The following HS6ST3 variants were observed in gnomAD, a reference collection of about 807,000 sequenced individuals.
The protein encoded by HS6ST3 is heparan sulfate 6-O-sulfotransferase 3.
A neutral mutation model predicts 36.7 loss-of-function variants in HS6ST3; 12 were observed. The observed-to-expected ratio is 0.33, with a 90% CI of 0.21 to 0.53. The LOEUF (loss-of-function observed/expected upper bound fraction) is 0.53. Among genes scored for constraint, HS6ST3 ranks in the 20% least tolerant of loss-of-function variants. The pLI, the probability that HS6ST3 is intolerant of heterozygous loss-of-function variation, is 0.95. For synonymous variants in HS6ST3, 240 were observed against 257.5 expected, an observed-to-expected ratio of 0.93 and a Z score of 0.65; for missense variants, 584 against 640.9, an observed-to-expected ratio of 0.91 and a Z score of 0.96.
intron 1 of HS6ST3, among the ~76,000 whole-genome samples, chr13:96,642,532 G>A (rs2056573917): frequency 6.6e-6 from 1 of 151,592 alleles, no homozygotes; most frequent in African/African-American, 2.4e-5. Flanking sequence ...GTACACATTG[G>A]TTCACTTGAT....
intron 1 of HS6ST3, among the ~76,000 whole-genome samples, chr13:96,182,346 T>C (rs964967559): frequency 5.9e-5 from 9 of 152,358 alleles, no homozygotes; most frequent in African/African-American, 1.7e-4. Context: ...ATAAAGGCGA[T>C]GTCTTAATGA....
chr13:96,213,387 C>T (rs1206491025), intron 1 of HS6ST3, among the ~76,000 whole-genome samples: 1 of 152,098 alleles, frequency 6.6e-6, no homozygotes, highest in Non-Finnish European at 1.5e-5. Flanking sequence ...TTTGTTTTGT[C>T]CAGTATTAAA....
intron 1 of HS6ST3, among the ~76,000 whole-genome samples, chr13:96,399,460 C>T (rs1164005027): frequency 6.6e-6 from 1 of 152,214 alleles, no homozygotes; most frequent in Admixed American, 6.5e-5. Flanking sequence ...TACAACATTG[C>T]ATAGCCTCTA....
At chr13:96,545,719 A>G (rs565531298) in intron 1 of HS6ST3, among the ~76,000 whole-genome samples, 1 of 152,318 alleles carries the variant, frequency 6.6e-6, no homozygotes, top group Non-Finnish European at 1.5e-5. Context: ...GTAAAGATAT[A>G]TCAGTTCATT....
At chr13:96,355,107 T>A (rs1022634005) in intron 1 of HS6ST3, among the ~76,000 whole-genome samples, 3 of 152,074 alleles carry the variant, frequency 2.0e-5, no homozygotes, top group African/African-American at 4.8e-5. Flanking sequence ...AGGATAACTA[T>A]AGTGATGGAT....
chr13:96,720,265 A>G (rs555384822), intron 1 of HS6ST3, among the ~76,000 whole-genome samples: 1 of 152,332 alleles, frequency 6.6e-6, no homozygotes, highest in East Asian at 1.9e-4. Context: ...TAAGCTCTAC[A>G]AGACCATGAC....
chr13:96,249,815 C>T (rs993647810), intron 1 of HS6ST3, among the ~76,000 whole-genome samples: 1 of 152,116 alleles, frequency 6.6e-6, no homozygotes, highest in East Asian at 1.9e-4. Flanking sequence ...ACTTTGAGGA[C>T]ATTATGCTAT....
At chr13:96,461,287 TC>T (rs975017937) in intron 1 of HS6ST3, among the ~76,000 whole-genome samples, 1 of 152,222 alleles carries the variant, frequency 6.6e-6, no homozygotes, top group Non-Finnish European at 1.5e-5. Flanking sequence ...AACTGACAGT[TC>T]AGCAGAAGTG....
chr13:96,834,230 C>G lies in HS6ST3; in HGVS notation c.*1032C>G, dbSNP rs1445986467. ...CTTGGCCCAAAGAATAGGAACTTAG[C>G]TAGCATGTATACAAAATATATTTGA... is the stretch of plus-strand genomic sequence containing the variant. On this transcript the variant is annotated 3_prime_UTR_variant, in exon 2 of 2. Transcript: ENST00000376705. 1.3e-5 allele frequency: 2 copies of G among 152,142 alleles called. No individual in the cohort carries two copies. The highest frequency in any genetic ancestry group is 6.6e-5 in the Admixed American group (1 of 15,264). 9.4% of individuals were successfully genotyped at this position (152,142 alleles called of 1,614,324 possible).
chr13:96,539,186 A>G (rs1316326913), intron 1 of HS6ST3, among the ~76,000 whole-genome samples: 2 of 152,188 alleles, frequency 1.3e-5, no homozygotes, highest in Non-Finnish European at 2.9e-5. Flanking sequence ...GAAAATAGGG[A>G]AAGTATAAAC....
chr13:96,756,558 G>T (rs1270194619), intron 1 of HS6ST3, among the ~76,000 whole-genome samples: 1 of 152,092 alleles, frequency 6.6e-6, no homozygotes, highest in Non-Finnish European at 1.5e-5. Context: ...CTGGTATTTT[G>T]ATTGGGATTT....
At position 96,614,606 on chromosome 13, in the gene HS6ST3, C is replaced by T. The variant is rs114826109; in HGVS notation, c.708-217884C>T. 5.4e-3 allele frequency among the ~76,000 whole-genome samples: 827 copies of T among 152,210 alleles called. 5 individuals are homozygous for T. The highest frequency in any genetic ancestry group is 0.019 in the African/African-American group (780 of 41,534). Reference sequence around the variant, plus strand: ...GTTGATCTTTCATGAGGAAAAATATCTATTAACTTGTGAAAGTCCAATTTA... The same window carrying T: ...GTTGATCTTTCATGAGGAAAAATATTTATTAACTTGTGAAAGTCCAATTTA... On this transcript the variant is annotated intron_variant, in intron 1 of 1. Transcript: ENST00000376705.
chr13:96,226,970 T>C (rs111605135), intron 1 of HS6ST3, among the ~76,000 whole-genome samples: 62 of 152,348 alleles, frequency 4.1e-4, no homozygotes, highest in South Asian at 1.4e-3. Context: ...GCTAGTGTGC[T>C]GCATAAATAT....
At chr13:96,292,353 G>A (rs2054834307) in intron 1 of HS6ST3, among the ~76,000 whole-genome samples, 2 of 151,884 alleles carry the variant, frequency 1.3e-5, no homozygotes, top group Admixed American at 1.3e-4. Flanking sequence ...ATTTCACAAG[G>A]TAGGTTTTGT....
In HS6ST3 at chr13:96,597,257, G is replaced by T. The variant is rs557000051; in HGVS notation, c.708-235233G>T. ...AATGCATGCTAGGCTTAGTACCTGG[G>T]TGATTAAATAATCTGTACACAAACG... On this transcript the variant is annotated intron_variant, in intron 1 of 1. Transcript: ENST00000376705. Among the ~76,000 whole-genome samples, 15 of 151,868 alleles carry T rather than the reference G, an allele frequency of 9.9e-5. No individual in the cohort carries two copies. In the South Asian group the frequency reaches 2.7e-3, roughly 27 times the overall value.
intron 1 of HS6ST3, among the ~76,000 whole-genome samples, chr13:96,561,730 C>G (rs187825728): frequency 6.6e-6 from 1 of 152,246 alleles, no homozygotes; most frequent in African/African-American, 2.4e-5. Flanking sequence ...CAGGAACAGA[C>G]ACTTCTCAAA....
At chr13:96,752,125 G>C (rs530678633) in intron 1 of HS6ST3, among the ~76,000 whole-genome samples, 2 of 151,992 alleles carry the variant, frequency 1.3e-5, no homozygotes, top group Admixed American at 6.6e-5. Context: ...GTACTATACT[G>C]CTTTTTTTTC....
intron 1 of HS6ST3, among the ~76,000 whole-genome samples, chr13:96,595,715 C>A (rs1439965549): frequency 6.6e-6 from 1 of 151,538 alleles, no homozygotes; most frequent in Non-Finnish European, 1.5e-5. Context: ...TTCTTCATTC[C>A]TTTTCTTTCT....
At chr13:96,595,055 G>T (rs1402935239) in intron 1 of HS6ST3, among the ~76,000 whole-genome samples, 2 of 151,924 alleles carry the variant, frequency 1.3e-5, no homozygotes, top group Non-Finnish European at 2.9e-5. Context: ...TTTGTTTTGT[G>T]TTGTTTTTGA....
Sources: gnomAD v4.1 joint callset for allele counts (sites outside exome capture counted in the v4.1 genomes callset) on GRCh38, gnomAD v4.1.1 for gene constraint, MANE v1.5 for transcripts, NCBI Gene and HGNC (gene_info 2026-07-23, HGNC 2026-07-21) for gene names.